Variants in CHLSN observed in about 807,000 individuals in gnomAD.
CHLSN encodes cholesin, also known as protein cholesin.
At chr7:1,016,211 A>G in the CHLSN span, among the ~76,000 whole-genome samples, 12 of 64,898 alleles carry the variant, frequency 1.8e-4, no homozygotes, top group Middle Eastern at 7.2e-3. Context: ...GCACGCCAGC[A>G]CACAGCAGCA....
chr7:983,331 C>G, the CHLSN span: 4 of 1,539,324 alleles, frequency 2.6e-6, no homozygotes, highest in Admixed American at 5.9e-5. Flanking sequence ...CGCTGCCGCT[C>G]GTCGGGAACC....
At chr7:1,027,404 C>T in the CHLSN span, among the ~76,000 whole-genome samples, 1 of 152,388 alleles carries the variant, frequency 6.6e-6, no homozygotes, top group Admixed American at 6.5e-5. Flanking sequence ...GCTGTGCGCG[C>T]AGCAGCTGAG....
At chr7:1,136,465 CATAT>C in the CHLSN span, among the ~76,000 whole-genome samples, 1 of 67,796 alleles carries the variant, frequency 1.5e-5, no homozygotes, top group Non-Finnish European at 2.7e-5. Context: ...CATATATAAA[CATAT>C]ATAAATATAT....
chr7:1,048,260 C>T, the CHLSN span, among the ~76,000 whole-genome samples: 2 of 152,184 alleles, frequency 1.3e-5, no homozygotes, highest in African/African-American at 4.8e-5. Context: ...TTGCCGGCCC[C>T]AGCTCTGACA....
chr7:1,114,235 C>T, the CHLSN span, among the ~76,000 whole-genome samples: 3 of 152,238 alleles, frequency 2.0e-5, no homozygotes, highest in African/African-American at 7.2e-5. Flanking sequence ...AGTGCAACCA[C>T]TGGGCCTCTT....
the CHLSN span, among the ~76,000 whole-genome samples, chr7:1,034,086 G>C: frequency 6.6e-6 from 1 of 152,236 alleles, no homozygotes; most frequent in African/African-American, 2.4e-5. Context: ...ACTGTGAGTG[G>C]GTTCAGAAGG....
At chr7:1,123,820 C>A in the CHLSN span, among the ~76,000 whole-genome samples, 1 of 152,014 alleles carries the variant, frequency 6.6e-6, no homozygotes, top group African/African-American at 2.4e-5. This position sits in a 1 kb window ranked among gnomAD's most constrained non-coding sequence, Gnocchi z 4.4. Context: ...CAGCTCCCTC[C>A]GCCAGCTCCC....
chr7:1,136,173 A>T, the CHLSN span, among the ~76,000 whole-genome samples: 1 of 108,708 alleles, frequency 9.2e-6, no homozygotes, highest in Non-Finnish European at 1.6e-5. Context: ...AATATGTATA[A>T]ATATACATAA....
chr7:1,107,016 A>G, the CHLSN span, among the ~76,000 whole-genome samples: 256 of 152,276 alleles, frequency 1.7e-3, no homozygotes, highest in Non-Finnish European at 2.8e-3. Context: ...TGCCAGCACC[A>G]GCCTCCTTGC....
chr7:990,853 T>A, the CHLSN span, among the ~76,000 whole-genome samples: 1 of 152,138 alleles, frequency 6.6e-6, no homozygotes, highest in African/African-American at 2.4e-5. Flanking sequence ...TGAGCCCCTC[T>A]GGAGCTCTGG....
chr7:1,133,113 T>C, the CHLSN span, among the ~76,000 whole-genome samples: 1 of 151,954 alleles, frequency 6.6e-6, no homozygotes, highest in African/African-American at 2.4e-5. Context: ...CCAGAGGAAA[T>C]GGGATACTGA....
At chr7:1,117,290 G>A in the CHLSN span, among the ~76,000 whole-genome samples, 1 of 76,324 alleles carries the variant, frequency 1.3e-5, no homozygotes, top group South Asian at 4.7e-4. Flanking sequence ...GCCCACGCAG[G>A]ATGATGACAT....
At chr7:1,018,778 C>T in the CHLSN span, among the ~76,000 whole-genome samples, 1 of 147,570 alleles carries the variant, frequency 6.8e-6, no homozygotes, top group African/African-American at 2.5e-5. Context: ...GTGAGACCCT[C>T]AAAAAAAAAA....
chr7:993,989 G>A, the CHLSN span, among the ~76,000 whole-genome samples: 1 of 152,260 alleles, frequency 6.6e-6, no homozygotes, highest in East Asian at 1.9e-4. Context: ...AAGCCGCACA[G>A]TGCTGTGAGA....
the CHLSN span, among the ~76,000 whole-genome samples, chr7:1,091,131 A>G: frequency 6.6e-6 from 1 of 152,138 alleles, no homozygotes; most frequent in East Asian, 1.9e-4. Flanking sequence ...TAAAGGGAAA[A>G]ACACCCCTGC....
chr7:1,070,275 G>C, the CHLSN span, among the ~76,000 whole-genome samples: 2 of 140,180 alleles, frequency 1.4e-5, no homozygotes, highest in Non-Finnish European at 3.2e-5. Context: ...TCAGCCCCCC[G>C]CCCGGCCAGC....
At chr7:1,135,883 A>T in the CHLSN span, among the ~76,000 whole-genome samples, 1 of 135,168 alleles carries the variant, frequency 7.4e-6, no homozygotes, top group Non-Finnish European at 1.5e-5. Context: ...ATATATATGA[A>T]TATATAAATA....
At chr7:1,089,150 TTAAA>T in the CHLSN span, among the ~76,000 whole-genome samples, 11 of 152,104 alleles carry the variant, frequency 7.2e-5, no homozygotes, top group South Asian at 2.1e-4. Context: ...TTTTAAGAAA[TTAAA>T]TACAGAGGCG....
At chr7:1,041,298 G>C in the CHLSN span, among the ~76,000 whole-genome samples, 156 of 83,998 alleles carry the variant, frequency 1.9e-3, 5 homozygotes, top group South Asian at 3.7e-3. Flanking sequence ...CTGCGGGGAA[G>C]GGGACCTGGG....
Sources: allele counts gnomAD v4.1 joint callset (sites outside exome capture counted in the v4.1 genomes callset), GRCh38; gene constraint gnomAD v4.1.1; non-coding constraint Gnocchi (gnomAD v3.1); transcripts MANE v1.5; gene names NCBI Gene and HGNC (gene_info 2026-07-23, HGNC 2026-07-21).